The following UBE2O variants were observed in gnomAD, a reference collection of about 807,000 sequenced individuals.
UBE2O encodes (E3-independent) E2 ubiquitin-conjugating enzyme.
In UBE2O, 15 loss-of-function variants were observed where a neutral mutation model predicts 125.8. That is an observed-to-expected ratio of 0.12 (90% CI 0.08 to 0.18). The LOEUF (loss-of-function observed/expected upper bound fraction) is 0.18, where lower values mean the gene tolerates loss of function less well. UBE2O is among the 10% of genes least tolerant of loss of function. The pLI is 1.00. For synonymous variants in UBE2O, 708 were observed against 703.2 expected, an observed-to-expected ratio of 1.01 and a Z score of -0.11; for missense variants, 1,280 against 1,723.6, an observed-to-expected ratio of 0.74 and a Z score of 4.56.
intron 1 of UBE2O, among the ~76,000 whole-genome samples, chr17:76,439,961 T>C (rs1348799791): frequency 1.3e-5 from 2 of 152,220 alleles, no homozygotes; most frequent in African/African-American, 2.4e-5. Context: ...CAATCTGCCA[T>C]TTCCCAAGTG....
At chr17:76,421,340 T>C (rs373028762) in intron 1 of UBE2O, among the ~76,000 whole-genome samples, 2 of 152,086 alleles carry the variant, frequency 1.3e-5, no homozygotes, top group Admixed American at 1.3e-4. Context: ...CACTAGAGCA[T>C]GGAACATAAT....
At position 76,398,490 on chromosome 17, in the gene UBE2O, C is replaced by T. The variant is rs773808516; in HGVS notation, c.1878G>A (p.Pro626=). The change falls in exon 11 of 18, where the codon CCG becomes CCA. Residue 626 remains proline (P), a synonymous_variant. Coordinates refer to ENST00000319380, the MANE Select transcript of UBE2O (RefSeq NM_022066.4). This position sits in a 1 kb window ranked among gnomAD's most constrained non-coding sequence, Gnocchi z 5.4. ...CACACACCTCCACGTCGTCCCCACTCGGCCTCAGCTTGAACCACTTCACCA... is the reference window on the plus strand; with the variant it reads ...CACACACCTCCACGTCGTCCCCACTTGGCCTCAGCTTGAACCACTTCACCA... ...TCMVKWFKLR[P]SGDDVELIGE... 2.2e-5 allele frequency: 35 copies of T among 1,614,018 alleles called. 1 individual carries two copies. Among genetic ancestry groups the T allele is most frequent in the Admixed American group, 6.7e-5 (4 of 60,004 alleles).
chr17:76,447,850 C>T (rs796114561), intron 1 of UBE2O, among the ~76,000 whole-genome samples: 1 of 152,200 alleles, frequency 6.6e-6, no homozygotes, highest in African/African-American at 2.4e-5. Context: ...TGGAAGTGAT[C>T]TTCTGAAGGC....
intron 1 of UBE2O, among the ~76,000 whole-genome samples, chr17:76,450,732 C>T (rs1459478443): frequency 6.6e-6 from 1 of 152,176 alleles, no homozygotes; most frequent in Non-Finnish European, 1.5e-5. Flanking sequence ...AGCAATTCTC[C>T]CGCCTCAGCC....
Position 76,390,840 on chromosome 17 carries a change from A to T in UBE2O, c.*103T>A. 8.3e-7 allele frequency: 1 copy of T among 1,201,790 alleles called. No individual in the cohort carries two copies. The highest frequency in any genetic ancestry group is 1.2e-6 in the Non-Finnish European group (1 of 861,998). The allele number at this position is 1,201,790 out of a possible 1,614,324, so 74.4% of individuals were successfully genotyped here. ...GGGGAGAAGAGGGCAGTGGGTTTGC[A>T]GTGGGGACAGAGGGGCATGGGAAGA... On this transcript the variant is annotated 3_prime_UTR_variant, in exon 18 of 18. Transcript: ENST00000319380.
At chr17:76,415,380 G>A (rs1246009140) in intron 1 of UBE2O, among the ~76,000 whole-genome samples, 1 of 152,204 alleles carries the variant, frequency 6.6e-6, no homozygotes, top group African/African-American at 2.4e-5. Flanking sequence ...TAAGTGAGCT[G>A]CCTAAGGTCA....
At chr17:76,416,927 C>T (rs111275154) in intron 1 of UBE2O, among the ~76,000 whole-genome samples, 2,763 of 152,260 alleles carry the variant, frequency 0.018, 74 homozygotes, top group African/African-American at 0.06. Flanking sequence ...GACAAAGCTG[C>T]GGCTGGTCAC....
chr17:76,451,647 G>T (rs1367066697), intron 1 of UBE2O, among the ~76,000 whole-genome samples: 1 of 152,156 alleles, frequency 6.6e-6, no homozygotes, highest in Non-Finnish European at 1.5e-5. Context: ...AACTTCCAAA[G>T]TGCCCTCCCC....
chr17:76,433,724 A>AG (rs995599539), intron 1 of UBE2O, among the ~76,000 whole-genome samples: 16 of 151,660 alleles, frequency 1.1e-4, no homozygotes, highest in Admixed American at 2.6e-4. Context: ...AAAAAAAAAA[A>AG]AGAGAGAGAG....
At chr17:76,446,343 A>G (rs2073150612) in intron 1 of UBE2O, among the ~76,000 whole-genome samples, 1 of 152,170 alleles carries the variant, frequency 6.6e-6, no homozygotes, top group Non-Finnish European at 1.5e-5. Context: ...CACCCTTTTA[A>G]AAAGTGCTGG....
Position 76,400,548 on chromosome 17 carries a change from C to T in UBE2O, c.897G>A (p.Val299=), listed in dbSNP as rs747565244. 3 of 1,609,616 alleles carry T rather than the reference C, an allele frequency of 1.9e-6. No individual in the cohort carries two copies. The highest frequency in any genetic ancestry group is 2.5e-6 in the Non-Finnish European group (3 of 1,177,638). ...ATGTAACTTTCAACTCTACAACCTG[C>T]ACCTGGGGATGGCAGGTGGGACACG... ...KSKFRVVVEE[V]QVVELKVTWI... The change falls in exon 7 of 18, where the codon GTG becomes GTA. Residue 299 remains valine, a splice_region_variant and synonymous_variant. Coordinates refer to ENST00000319380, the MANE Select transcript of UBE2O (RefSeq NM_022066.4). The surrounding 1 kb of genome is among the most constrained non-coding windows in gnomAD (Gnocchi z 4.3).
rs1382783617 is a variant in UBE2O at position 76,405,703 on chromosome 17, A to G, written c.418-131T>C. 4 of 815,562 alleles carry G rather than the reference A, an allele frequency of 4.9e-6. No individual in the cohort carries two copies. The highest frequency in any genetic ancestry group is 1.7e-5 in the African/African-American group (1 of 58,468). 50.5% of individuals were successfully genotyped at this position (815,562 alleles called of 1,614,324 possible). A position where few individuals can be genotyped will look rare whatever the true frequency, so the allele number is the denominator to read the frequency against. Reference sequence around the variant, plus strand: ...CACAAATCCTAAGCGTTTGGCTAGCAGTATCTTCACAGACCGCACACACCT... The same window carrying G: ...CACAAATCCTAAGCGTTTGGCTAGCGGTATCTTCACAGACCGCACACACCT... On this transcript the variant is annotated intron_variant, in intron 1 of 17. Transcript: ENST00000319380. This position sits in a 1 kb window ranked among gnomAD's most constrained non-coding sequence, Gnocchi z 6.1.
chr17:76,403,278 A>T (rs961473610), intron 3 of UBE2O, among the ~76,000 whole-genome samples: 4 of 151,696 alleles, frequency 2.6e-5, no homozygotes, highest in East Asian at 3.9e-4. Context: ...CTTTATTATT[A>T]TTTTTTTTAG....
chr17:76,402,705 G>C lies in UBE2O; in HGVS notation c.589-6C>G. Reference sequence around the variant, plus strand: ...TAGTCCCCATACATGAAGGGCTGCAGACCAAGGAGGCAGGGGCAGTGAGAC... The same window carrying C: ...TAGTCCCCATACATGAAGGGCTGCACACCAAGGAGGCAGGGGCAGTGAGAC... On this transcript the variant is annotated splice_polypyrimidine_tract_variant and splice_region_variant and intron_variant, in intron 3 of 17. Transcript: ENST00000319380. This position sits in a 1 kb window ranked among gnomAD's most constrained non-coding sequence, Gnocchi z 5.4. The C allele has an allele frequency of 1.9e-6, 3 of 1,612,790 alleles. No individual in the cohort carries two copies. The highest frequency in any genetic ancestry group is 2.5e-6 in the Non-Finnish European group (3 of 1,178,804).
At chr17:76,437,471 G>GAAAAA (rs368650758) in intron 1 of UBE2O, among the ~76,000 whole-genome samples, 2 of 147,074 alleles carry the variant, frequency 1.4e-5, no homozygotes, top group South Asian at 4.3e-4. Context: ...AAAAGAAAAA[G>GAAAAA]AAAAAAAAAG....
chr17:76,400,934 G>T lies in UBE2O; in HGVS notation c.894+77C>A. 2 of 1,554,776 alleles carry T rather than the reference G, an allele frequency of 1.3e-6. No homozygotes were observed. The highest frequency in any genetic ancestry group is 8.8e-7 in the Non-Finnish European group (1 of 1,140,138). ...AGCGGGGCTCAACCCTCAAGAGCAGGAAGGAAAGGGGCAGCAGCTCAGCTC... is the reference window on the plus strand; with the variant it reads ...AGCGGGGCTCAACCCTCAAGAGCAGTAAGGAAAGGGGCAGCAGCTCAGCTC... On this transcript the variant is annotated intron_variant, in intron 6 of 17. Coordinates refer to ENST00000319380, the MANE Select transcript of UBE2O (RefSeq NM_022066.4). This position sits in a 1 kb window ranked among gnomAD's most constrained non-coding sequence, Gnocchi z 4.3.
At position 76,391,270 on chromosome 17, in the gene UBE2O, TTCTTGTTGGCCGGAG is replaced by T; in HGVS notation, c.3537_3551del (p.Asp1179_Gln1183del). The T allele has an allele frequency of 1.2e-6, 2 of 1,612,964 alleles. No individual in the cohort carries two copies. The highest frequency in any genetic ancestry group is 1.7e-6 in the Non-Finnish European group (2 of 1,179,860). ...CTGGGGCTGGCCCTCCATCCTCAGGTTCTTGTTGGCCGGAGTCTGACAGCTCGGCTACAGCTGGGG... is the reference window on the plus strand; with the variant it reads ...CTGGGGCTGGCCCTCCATCCTCAGGTTCTGACAGCTCGGCTACAGCTGGGG... On this transcript the variant is annotated inframe_deletion, in exon 18 of 18. Transcript: ENST00000319380. This position sits in a 1 kb window ranked among gnomAD's most constrained non-coding sequence, Gnocchi z 8.4.
At chr17:76,392,165 T>TTCGAGTGGGGCCCTTGATGAGA in intron 15 of UBE2O, 52 bp from the exon 16 acceptor site, 1 of 1,143,438 alleles carries the variant, frequency 8.7e-7, no homozygotes, top group Non-Finnish European at 1.2e-6. Context: ...TGGAAGGGGG[T>TTCGAGTGGGGCCCTTGATGAGA]GTCCTACATG....
chr17:76,406,892 GCTTCA>G (rs1296881453), intron 1 of UBE2O, among the ~76,000 whole-genome samples: 1 of 151,992 alleles, frequency 6.6e-6, no homozygotes, highest in Non-Finnish European at 1.5e-5. Context: ...TAGAGATGGG[GCTTCA>G]CCATGTTGGC....
Sources: allele counts gnomAD v4.1 joint callset (sites outside exome capture counted in the v4.1 genomes callset), GRCh38; gene constraint gnomAD v4.1.1; non-coding constraint Gnocchi (gnomAD v3.1); transcripts MANE v1.5; gene names NCBI Gene and HGNC (gene_info 2026-07-23, HGNC 2026-07-21).